The following LAMA2 variants were observed in gnomAD, a reference collection of about 807,000 sequenced individuals.
LAMA2 encodes the protein laminin subunit alpha 2, also known as laminin subunit alpha-2.
Under a neutral mutation model 364.8 loss-of-function variants are expected in LAMA2, and 269 were observed. The ratio of observed to expected loss-of-function variants is 0.74; its 90% CI spans 0.67 to 0.82. The LOEUF is 0.82. LAMA2 is among the 40% of genes least tolerant of loss of function. LAMA2 has a pLI of 0.00. For synonymous variants in LAMA2, 1,379 were observed against 1,370.6 expected (o/e 1.01, Z -0.14); for missense variants, 3,807 against 3,873.2 (o/e 0.98, Z 0.45).
chr6:128,961,404 A>G (rs1398373651), intron 1 of LAMA2, among the ~76,000 whole-genome samples: 1 of 129,922 alleles, frequency 7.7e-6, no homozygotes, highest in Non-Finnish European at 1.6e-5. Context: ...GACTGCATAT[A>G]TATACATATA....
At chr6:129,139,388 T>C (rs1382399636) in intron 4 of LAMA2, among the ~76,000 whole-genome samples, 2 of 152,002 alleles carry the variant, frequency 1.3e-5, no homozygotes, top group South Asian at 2.1e-4. Flanking sequence ...ATGTGCAGAC[T>C]TTTTTCTTGT....
At chr6:129,244,727 GA>G (rs368357906) in intron 12 of LAMA2, among the ~76,000 whole-genome samples, 8 of 149,826 alleles carry the variant, frequency 5.3e-5, no homozygotes, top group East Asian at 3.9e-4. Context: ...GATTGAGAGG[GA>G]AAAAAAAAGA....
At chr6:129,159,149 G>A (rs1779307921) in intron 8 of LAMA2, 1 of 1,510,004 alleles carries the variant, frequency 6.6e-7, no homozygotes, top group East Asian at 2.3e-5. Context: ...CCTGTGTACT[G>A]TCACCTTTAG....
chr6:128,892,511 T>C (rs1299801032), intron 1 of LAMA2, among the ~76,000 whole-genome samples: 1 of 152,056 alleles, frequency 6.6e-6, no homozygotes, highest in African/African-American at 2.4e-5. Context: ...TAGATAAATA[T>C]ATGGCATATA....
chr6:129,387,450 G>A (rs1358390792), intron 35 of LAMA2, among the ~76,000 whole-genome samples: 1 of 152,226 alleles, frequency 6.6e-6, no homozygotes, highest in Non-Finnish European at 1.5e-5. Flanking sequence ...CTTTTACACT[G>A]TTGGTGGGAA....
intron 34 of LAMA2, among the ~76,000 whole-genome samples, chr6:129,372,123 T>G (rs1684183731): frequency 6.6e-6 from 1 of 152,166 alleles, no homozygotes; most frequent in Non-Finnish European, 1.5e-5. Context: ...ACATTTATTA[T>G]AGTCGATAAA....
Position 129,025,324 on chromosome 6 carries a change from A to G in LAMA2, c.113-24594A>G, listed in dbSNP as rs952017332. ...ATTTGGGAAAAGTGCAAGTATTCAT[A>G]TACATTGTTTTGCATTTAAAAGAAA... On this transcript the variant is annotated intron_variant, in intron 1 of 64. Coordinates refer to ENST00000421865, the MANE Select transcript of LAMA2 (RefSeq NM_000426.4). Among the ~76,000 whole-genome samples, 3 of 152,322 alleles carry G rather than the reference A, an allele frequency of 2.0e-5. 1 individual carries two copies. The highest frequency in any genetic ancestry group is 2.0e-4 in the Admixed American group (3 of 15,300).
intron 1 of LAMA2, among the ~76,000 whole-genome samples, chr6:128,995,919 AT>A (rs1365935940): frequency 1.3e-5 from 2 of 152,178 alleles, no homozygotes; most frequent in Non-Finnish European, 2.9e-5. Flanking sequence ...TGACAGGTAT[AT>A]AGTCAAGCCC....
At chr6:128,889,113 G>A (rs931129208) in intron 1 of LAMA2, among the ~76,000 whole-genome samples, 5 of 152,222 alleles carry the variant, frequency 3.3e-5, no homozygotes, top group Admixed American at 6.5e-5. Context: ...GGGAACTTCC[G>A]CAGCTTTTAA....
rs150586612 is a variant in LAMA2 at position 129,098,330 on chromosome 6, G to A, written c.554G>A (p.Arg185His). The change falls in exon 4 of 65, where the codon CGC (arginine) becomes CAC (histidine). Residue 185 changes from arginine to histidine, a missense_variant. This residue lies in a region of LAMA2 where 394 missense variants were observed against 403.5 expected (regional missense o/e 0.98). Coordinates refer to ENST00000421865, the MANE Select transcript of LAMA2 (RefSeq NM_000426.4). ...CTAACGCTTTACAATATTTATCCCC[G>A]CACTGGGCCACCGTCATATGCCAAA... ...ECLTLYNIYP[R>H]TGPPSYAKDD... 2.5e-6 allele frequency: 4 copies of A among 1,613,856 alleles called. No individual in the cohort carries two copies. Among genetic ancestry groups the A allele is most frequent in the East Asian group, 2.2e-5 (1 of 44,870 alleles).
intron 1 of LAMA2, among the ~76,000 whole-genome samples, chr6:129,020,581 T>A (rs1562158266): frequency 1.3e-5 from 2 of 152,272 alleles, no homozygotes; most frequent in East Asian, 1.9e-4. Flanking sequence ...GGTTGTCATA[T>A]CATGAAGATA....
chr6:129,285,582 C>T (rs897302934), intron 18 of LAMA2, among the ~76,000 whole-genome samples: 8 of 152,018 alleles, frequency 5.3e-5, no homozygotes, highest in Admixed American at 2.0e-4. Flanking sequence ...AATAGGTTTT[C>T]GTTTGCTGTG....
intron 5 of LAMA2, among the ~76,000 whole-genome samples, chr6:129,145,638 G>T (rs929772141): frequency 1.3e-5 from 2 of 151,902 alleles, no homozygotes; most frequent in Admixed American, 6.6e-5. Context: ...TAGAGTGGGG[G>T]TTGGGGTACA....
At chr6:129,186,206 A>C (rs1331392511) in intron 10 of LAMA2, among the ~76,000 whole-genome samples, 1 of 151,650 alleles carries the variant, frequency 6.6e-6, no homozygotes, top group African/African-American at 2.4e-5. Context: ...ATAGATAAAC[A>C]AAAAAAGAAA....
intron 41 of LAMA2, among the ~76,000 whole-genome samples, chr6:129,428,429 GT>G (rs906676156): frequency 3.9e-5 from 6 of 152,192 alleles, no homozygotes; most frequent in African/African-American, 1.4e-4. Context: ...GTAAGATCCT[GT>G]CTCTAAAAAG....
chr6:129,216,276 A>T (rs1468430215), intron 12 of LAMA2, among the ~76,000 whole-genome samples: 1 of 152,330 alleles, frequency 6.6e-6, no homozygotes, highest in African/African-American at 2.4e-5. Flanking sequence ...GAGTAGAAGA[A>T]TATCCTTGAG....
At chr6:129,087,944 G>T (rs1774484637) in intron 3 of LAMA2, among the ~76,000 whole-genome samples, 1 of 148,664 alleles carries the variant, frequency 6.7e-6, no homozygotes, top group South Asian at 2.2e-4. Flanking sequence ...TTCTCACAGA[G>T]GGGGATTTGG....
intron 3 of LAMA2, among the ~76,000 whole-genome samples, chr6:129,092,260 C>A (rs1326654441): frequency 6.6e-6 from 1 of 152,100 alleles, no homozygotes; most frequent in African/African-American, 2.4e-5. Flanking sequence ...TTTTCTTTAG[C>A]GTCACAGGGG....
chr6:129,255,277 G>A (rs1263796691), intron 14 of LAMA2, among the ~76,000 whole-genome samples: 5 of 151,602 alleles, frequency 3.3e-5, no homozygotes, highest in South Asian at 2.1e-4. Context: ...ATGGTGGCAC[G>A]TGTCAGTAAT....
Sources: allele counts gnomAD v4.1 joint callset (sites outside exome capture counted in the v4.1 genomes callset), GRCh38; gene constraint gnomAD v4.1.1; regional missense constraint gnomAD v4.1.1; transcripts MANE v1.5; gene names NCBI Gene and HGNC (gene_info 2026-07-23, HGNC 2026-07-21).